Variants in CTNNA1 observed in about 807,000 individuals in gnomAD.
CTNNA1 encodes the protein catenin alpha 1, also known as catenin alpha-1.
A neutral mutation model predicts 98.4 loss-of-function variants in CTNNA1; 37 were observed. The ratio of observed to expected loss-of-function variants is 0.38; its 90% confidence interval spans 0.29 to 0.49. The LOEUF (loss-of-function observed/expected upper bound fraction) is 0.49. Among genes scored for constraint, CTNNA1 ranks in the 20% least tolerant of loss-of-function variants. The pLI is 0.95. For missense variants in CTNNA1, 761 were observed against 1,147.2 expected, an observed-to-expected ratio of 0.66 and a Z score of 4.86; for synonymous variants, 404 against 413.2, an observed-to-expected ratio of 0.98 and a Z score of 0.27.
chr5:138,838,499 C>T (rs1761996175), intron 7 of CTNNA1, among the ~76,000 whole-genome samples: 1 of 151,994 alleles, frequency 6.6e-6, no homozygotes, highest in Non-Finnish European at 1.5e-5. Context: ...TTCTAGTGAT[C>T]TTTTGAAAAA....
chr5:138,875,570 G>C (rs1187745984), intron 7 of CTNNA1: 6 of 985,306 alleles, frequency 6.1e-6, no homozygotes, highest in African/African-American at 5.2e-5. Flanking sequence ...TGTAATAAAG[G>C]CTGCATTCAA....
At chr5:138,926,745 G>C (rs1166237309) in intron 13 of CTNNA1, among the ~76,000 whole-genome samples, 1 of 151,916 alleles carries the variant, frequency 6.6e-6, no homozygotes, top group Non-Finnish European at 1.5e-5. Context: ...AAAGTCTCTT[G>C]ACCCACACCC....
At chr5:138,892,184 C>T (rs771014503) in intron 9 of CTNNA1, among the ~76,000 whole-genome samples, 10 of 151,984 alleles carry the variant, frequency 6.6e-5, no homozygotes, top group Non-Finnish European at 1.3e-4. Flanking sequence ...GTGTTACAGG[C>T]GTGTCCTTAA....
chr5:138,754,564 A>T (rs1434985806), intron 1 of CTNNA1: 1 of 152,184 alleles, frequency 6.6e-6, no homozygotes, highest in Admixed American at 6.5e-5. Context: ...TTGGGACAGG[A>T]TAGGCATTTT....
intron 7 of CTNNA1, among the ~76,000 whole-genome samples, chr5:138,835,832 C>T (rs1012307044): frequency 6.6e-6 from 1 of 152,080 alleles, no homozygotes; most frequent in Non-Finnish European, 1.5e-5. Context: ...CTATAGGCTT[C>T]ATGCTGTAGA....
At chr5:138,893,388 T>TGG (rs2150070190) in intron 9 of CTNNA1, among the ~76,000 whole-genome samples, 1 of 152,220 alleles carries the variant, frequency 6.6e-6, no homozygotes, top group Admixed American at 6.5e-5. Flanking sequence ...AGCGTGGATG[T>TGG]GGGTGGGTGT....
At chr5:138,904,567 C>T in intron 10 of CTNNA1, 126 bp downstream of exon 10, 2 of 1,204,296 alleles carry the variant, frequency 1.7e-6, no homozygotes, top group South Asian at 3.3e-5. Context: ...GGGGACAGAT[C>T]ACTGACACAG....
At chr5:138,915,146 CTAAAATAAAA>C (rs937828251) in intron 10 of CTNNA1, among the ~76,000 whole-genome samples, 1 of 151,968 alleles carries the variant, frequency 6.6e-6, no homozygotes, top group Non-Finnish European at 1.5e-5. Flanking sequence ...CACTCTGTCT[CTAAAATAAAA>C]TAAAATAAAA....
Position 138,906,768 on chromosome 5 carries a change from C to T in CTNNA1, c.1389+2327C>T, listed in dbSNP as rs370160794. Among the ~76,000 whole-genome samples, 62 of 152,230 alleles carry T rather than the reference C, an allele frequency of 4.1e-4. 1 individual carries two copies. In the South Asian group the frequency reaches 0.012, roughly 30 times the overall value. ...ACCACACTTGGTACTGGGTATGTGT[C>T]CTGAAAAAAACCATGTTTTTTCAAG... On this transcript the variant is annotated intron_variant, in intron 10 of 17. Transcript: ENST00000302763.
At position 138,934,011 on chromosome 5, in the gene CTNNA1, G is replaced by C. The variant is rs754912563; in HGVS notation, c.2643G>C (p.Lys881Asn). ...KREKQDETQT[K>N]IKRASQKKHV... ...AGAAACAGGATGAGACACAGACCAA[G>C]ATTAAACGGGCATCTCAGAAGAAGC... Residue 881 changes from lysine (K) to asparagine (N), a missense_variant, in exon 18 of 18, where the codon AAG (lysine) becomes AAC (asparagine). Physicochemically the swap from Lys to Asn is moderately conservative, Grantham distance 94. Coordinates refer to ENST00000302763, the MANE Select transcript of CTNNA1 (RefSeq NM_001903.5). 5.0e-6 allele frequency: 8 copies of C among 1,614,020 alleles called. No homozygotes were observed. The South Asian group carries it at 8.8e-5, about 18-fold the overall frequency.
At chr5:138,837,683 G>A (rs1761926664) in intron 7 of CTNNA1, among the ~76,000 whole-genome samples, 1 of 151,520 alleles carries the variant, frequency 6.6e-6, no homozygotes, top group African/African-American at 2.4e-5. Context: ...CTGCAGTGGT[G>A]CAATCACAGC....
intron 7 of CTNNA1, among the ~76,000 whole-genome samples, chr5:138,882,775 C>T (rs976935767): frequency 1.3e-5 from 2 of 152,162 alleles, no homozygotes; most frequent in Admixed American, 6.6e-5. Context: ...TCAGTTAATG[C>T]TAGAAATAAA....
chr5:138,916,761 T>A (rs900170674), intron 10 of CTNNA1, among the ~76,000 whole-genome samples: 6 of 147,532 alleles, frequency 4.1e-5, no homozygotes, highest in South Asian at 4.2e-4. Flanking sequence ...TTATTTATTT[T>A]TATTTATTAT....
chr5:138,783,953 A>T (rs1226373505), intron 3 of CTNNA1, among the ~76,000 whole-genome samples: 1 of 152,222 alleles, frequency 6.6e-6, no homozygotes, highest in African/African-American at 2.4e-5. Context: ...CAGAATTGAT[A>T]AAAAGTAAAA....
At chr5:138,800,834 C>T (rs528499356) in intron 3 of CTNNA1, among the ~76,000 whole-genome samples, 42 of 152,094 alleles carry the variant, frequency 2.8e-4, no homozygotes, top group South Asian at 1.7e-3. Context: ...AGGGTGGGCA[C>T]GGTGGCTCAT....
chr5:138,763,790 A>G (rs1311216055), intron 1 of CTNNA1, among the ~76,000 whole-genome samples: 1 of 152,216 alleles, frequency 6.6e-6, no homozygotes, highest in African/African-American at 2.4e-5. Context: ...TAAATTGGCA[A>G]AAGGTTTCAT....
intron 1 of CTNNA1, among the ~76,000 whole-genome samples, chr5:138,778,496 C>T (rs991158003): frequency 1.3e-5 from 2 of 151,960 alleles, no homozygotes; most frequent in African/African-American, 4.8e-5. Context: ...ATTTTGATTA[C>T]TTGGTTAAGG....
chr5:138,893,875 G>T (rs973547341), intron 9 of CTNNA1, among the ~76,000 whole-genome samples: 1 of 150,312 alleles, frequency 6.7e-6, no homozygotes, highest in African/African-American at 2.5e-5. Context: ...TCCCACCTCG[G>T]CCTCCCAAAC....
intron 9 of CTNNA1, among the ~76,000 whole-genome samples, chr5:138,900,177 A>T (rs1057410794): frequency 6.6e-6 from 1 of 152,144 alleles, no homozygotes; most frequent in Admixed American, 6.5e-5. Context: ...TTTTATTGTT[A>T]TTTTTGACTT....
Sources: allele counts gnomAD v4.1 joint callset (sites outside exome capture counted in the v4.1 genomes callset), GRCh38; gene constraint gnomAD v4.1.1; transcripts MANE v1.5; gene names NCBI Gene and HGNC (gene_info 2026-07-23, HGNC 2026-07-21).